SNX1: variants seen among roughly 807,000 people sequenced by gnomAD.
The protein encoded by SNX1 is sorting nexin 1.
Under a neutral mutation model 71.8 loss-of-function variants are expected in SNX1, and 36 were observed. The observed-to-expected ratio is 0.50, with a 90% CI of 0.38 to 0.66. The LOEUF is 0.66. Ranked by LOEUF, SNX1 falls within the 30% of genes least tolerant of loss-of-function variation. The probability of loss-of-function intolerance (pLI) is 0.00; values close to 1 mark genes in which losing one functional copy is unlikely to be tolerated. For synonymous variants in SNX1, 254 were observed against 240.7 expected (o/e 1.06, Z -0.51); for missense variants, 612 against 646.7 (o/e 0.95, Z 0.58).
chr15:64,113,070 G>A (rs150155178), intron 2 of SNX1, among the ~76,000 whole-genome samples: 2 of 152,306 alleles, frequency 1.3e-5, no homozygotes, highest in East Asian at 3.9e-4. Flanking sequence ...CCAAAAATGT[G>A]CATACTGGTA....
At chr15:64,112,360 C>G (rs1308207760) in intron 1 of SNX1, among the ~76,000 whole-genome samples, 2 of 152,152 alleles carry the variant, frequency 1.3e-5, no homozygotes, top group Non-Finnish European at 2.9e-5. Flanking sequence ...GGCATTTGAG[C>G]GAGGTTATGC....
intron 8 of SNX1, among the ~76,000 whole-genome samples, chr15:64,128,258 A>G (rs1317619009): frequency 6.6e-6 from 1 of 152,254 alleles, no homozygotes; most frequent in Non-Finnish European, 1.5e-5. Context: ...AAAACAGCCC[A>G]ATTGCTAACA....
At position 64,118,454 on chromosome 15, in the gene SNX1, C is replaced by T. The variant is rs116232793; in HGVS notation, c.399+210C>T. On this transcript the variant is annotated intron_variant, in intron 3 of 14. Coordinates refer to ENST00000559844, the MANE Select transcript of SNX1 (RefSeq NM_003099.5). ...AGAGCACGAAGGCTTTCAGTGGTTACTAAAGATACTTAGTGTGCGAAGCTT... is the reference window on the plus strand; with the variant it reads ...AGAGCACGAAGGCTTTCAGTGGTTATTAAAGATACTTAGTGTGCGAAGCTT... Among the ~76,000 whole-genome samples, 235 of 152,344 alleles carry T rather than the reference C, an allele frequency of 1.5e-3. 2 individuals are homozygous for T. The highest frequency in any genetic ancestry group is 5.4e-3 in the African/African-American group (226 of 41,574).
chr15:64,125,944 T>G, intron 5 of SNX1, 135 bp from the exon 6 acceptor site: 1 of 902,386 alleles, frequency 1.1e-6, no homozygotes, highest in Non-Finnish European at 1.8e-6. Context: ...CTCTCTGCCT[T>G]GGAGAAAGTT....
chr15:64,123,390 C>A, intron 4 of SNX1, 113 bp from the exon 5 acceptor site: 1 of 875,884 alleles, frequency 1.1e-6, no homozygotes, highest in Non-Finnish European at 1.9e-6. Flanking sequence ...ATGAAACAAG[C>A]ATCCCTTCTT....
intron 5 of SNX1, 64 bp from the exon 6 acceptor site, chr15:64,126,015 T>C: frequency 6.4e-7 from 1 of 1,557,052 alleles, no homozygotes; most frequent in African/African-American, 1.4e-5. Flanking sequence ...GTCAATAGGA[T>C]GACTTTCAAG....
In SNX1 at chr15:64,118,808, G is replaced by A. The variant is rs773760098; in HGVS notation, c.420G>A (p.Glu140=). The A allele has an allele frequency of 3.7e-6, 6 of 1,613,258 alleles. No homozygotes were observed. The Admixed American group carries it at 8.3e-5, about 22-fold the overall frequency. ...AAAAGCTAGAGGAAGAAGAACAGGA[G>A]GATCAATTTGATTTGACAGTCGGTA... is the stretch of plus-strand genomic sequence containing the variant. ...TYEELEEEEQ[E]DQFDLTVGIT... Residue 140 remains glutamate (E), a synonymous_variant, in exon 4 of 15, where the codon GAG becomes GAA. Coordinates refer to ENST00000559844, the MANE Select transcript of SNX1 (RefSeq NM_003099.5).
chr15:64,109,376 T>C (rs2081055389), intron 1 of SNX1, among the ~76,000 whole-genome samples: 1 of 152,050 alleles, frequency 6.6e-6, no homozygotes, highest in Non-Finnish European at 1.5e-5. Flanking sequence ...AATGCACACC[T>C]AAGTAATGCC....
intron 11 of SNX1, among the ~76,000 whole-genome samples, chr15:64,133,304 T>A (rs1468561464): frequency 6.6e-6 from 1 of 152,336 alleles, no homozygotes; most frequent in East Asian, 1.9e-4. Flanking sequence ...CTTTACCTAA[T>A]CTTTTGACAT....
In SNX1 at chr15:64,142,625, G is replaced by C. The variant is rs1268519536; in HGVS notation, c.*5007G>C. The C allele has an allele frequency of 2.2e-6, 1 of 455,916 alleles. No individual in the cohort carries two copies. Among genetic ancestry groups the C allele is most frequent in the Non-Finnish European group, 4.4e-6 (1 of 226,758 alleles). The allele number at this position is 455,916 out of a possible 1,614,324, so 28.2% of individuals were successfully genotyped here. A position where few individuals can be genotyped will look rare whatever the true frequency, so the allele number is the denominator to read the frequency against. On this transcript the variant is annotated 3_prime_UTR_variant, in exon 15 of 15. Transcript: ENST00000559844. ...ATGCTTGATAATTAAAATTTTCTGAGATAGGAATGTCATATTTACCTATTT... is the reference window on the plus strand; with the variant it reads ...ATGCTTGATAATTAAAATTTTCTGACATAGGAATGTCATATTTACCTATTT...
At position 64,129,389 on chromosome 15, in the gene SNX1, G is replaced by T. The variant is rs1295566292; in HGVS notation, c.808-527G>T. Among the ~76,000 whole-genome samples, 72 of 152,308 alleles carry T rather than the reference G, an allele frequency of 4.7e-4. No homozygotes were observed. The highest frequency in any genetic ancestry group is 1.5e-4 in the Non-Finnish European group (10 of 68,016). On this transcript the variant is annotated intron_variant, in intron 8 of 14. Coordinates refer to ENST00000559844, the MANE Select transcript of SNX1 (RefSeq NM_003099.5). The surrounding 1 kb of genome is among the most constrained non-coding windows in gnomAD (Gnocchi z 4.4). The stretch of plus-strand genomic sequence containing the variant: ...TACTGGGGAGACTGAACAGCAATCA[G>T]ATTGTTTCTGAATATTTGGCATGCT...
chr15:64,119,296 C>T (rs6494464), intron 4 of SNX1, among the ~76,000 whole-genome samples: 105,001 of 151,480 alleles, frequency 0.69, 37,590 homozygotes, highest in East Asian at 0.81. Context: ...CCGACTAATT[C>T]TTTTTTTAAG....
At chr15:64,108,791 C>T (rs1372376536) in intron 1 of SNX1, among the ~76,000 whole-genome samples, 3 of 151,648 alleles carry the variant, frequency 2.0e-5, no homozygotes, top group Non-Finnish European at 4.4e-5. Flanking sequence ...AGTTCGAGAC[C>T]AGCCTGGCCA....
intron 1 of SNX1, among the ~76,000 whole-genome samples, chr15:64,100,365 G>T (rs2080946059): frequency 6.6e-6 from 1 of 152,066 alleles, no homozygotes; most frequent in African/African-American, 2.4e-5. Flanking sequence ...ATTTTGACAG[G>T]CCGAGGCGGG....
Position 64,124,415 on chromosome 15 carries a change from G to A in SNX1, c.510+869G>A, listed in dbSNP as rs1056446097. Among the ~76,000 whole-genome samples the A allele has an allele frequency of 4.0e-5, 6 of 150,098 alleles. No individual in the cohort carries two copies. In the South Asian group the frequency reaches 1.3e-3, roughly 32 times the overall value. Reference sequence around the variant, plus strand: ...CCAGCTGCTGGGGAGGCTGAGGCAGGAGAATGGCGTGAACCCGGGAGGCGG... The same window carrying A: ...CCAGCTGCTGGGGAGGCTGAGGCAGAAGAATGGCGTGAACCCGGGAGGCGG... On this transcript the variant is annotated intron_variant, in intron 5 of 14. Coordinates refer to ENST00000559844, the MANE Select transcript of SNX1 (RefSeq NM_003099.5).
chr15:64,101,997 C>G (rs1750795942), intron 1 of SNX1, among the ~76,000 whole-genome samples: 1 of 151,958 alleles, frequency 6.6e-6, no homozygotes, highest in African/African-American at 2.4e-5. Flanking sequence ...AAATATCACT[C>G]AGAATCCCAT....
chr15:64,115,475 G>A (rs2081119416), intron 2 of SNX1: 1 of 351,742 alleles, frequency 2.8e-6, no homozygotes, highest in South Asian at 2.1e-5. Flanking sequence ...CTCTTAACAG[G>A]AGTTCAAAGA....
At chr15:64,098,390 T>C (rs1012068425) in intron 1 of SNX1, among the ~76,000 whole-genome samples, 2 of 152,186 alleles carry the variant, frequency 1.3e-5, no homozygotes, top group Non-Finnish European at 2.9e-5. Flanking sequence ...TGAGGAGTTA[T>C]TTTCTAGAGT....
rs1457916662 is a variant in SNX1, at chr15:64,142,859, C to T, written c.*5241C>T. The T allele has an allele frequency of 3.1e-6, 1 of 321,008 alleles. No homozygotes were observed. Among genetic ancestry groups the T allele is most frequent in the Non-Finnish European group, 6.2e-6 (1 of 161,042 alleles). 19.9% of individuals were successfully genotyped at this position (321,008 alleles called of 1,614,324 possible). ...AAATACCAGCAACTGTTAACTCTTC[C>T]CAGAAGATTTTCATTCTGAATGCTC... On this transcript the variant is annotated 3_prime_UTR_variant, in exon 15 of 15. Coordinates refer to ENST00000559844, the MANE Select transcript of SNX1 (RefSeq NM_003099.5).
Sources: allele counts gnomAD v4.1 joint callset (sites outside exome capture counted in the v4.1 genomes callset), GRCh38; gene constraint gnomAD v4.1.1; non-coding constraint Gnocchi (gnomAD v3.1); transcripts MANE v1.5; gene names NCBI Gene and HGNC (gene_info 2026-07-23, HGNC 2026-07-21).